The following BAIAP2L1 variants were observed in gnomAD, a reference collection of about 807,000 sequenced individuals.
BAIAP2L1 encodes BAR/IMD domain containing adaptor protein 2 like 1.
BAIAP2L1 carries 35 observed loss-of-function variants against 66.3 expected under a neutral mutation model. The observed-to-expected ratio is 0.53, with a 90% CI of 0.40 to 0.70. The LOEUF is 0.70. Ranked by LOEUF, BAIAP2L1 falls within the 30% of genes least tolerant of loss-of-function variation. BAIAP2L1 has a pLI of 0.00. For missense variants in BAIAP2L1, 622 were observed against 656.9 expected, an observed-to-expected ratio of 0.95 and a Z score of 0.58; for synonymous variants, 269 against 248.7, an observed-to-expected ratio of 1.08 and a Z score of -0.77.
At chr7:98,343,513 C>T (rs1347470596) in intron 3 of BAIAP2L1, among the ~76,000 whole-genome samples, 1 of 152,102 alleles carries the variant, frequency 6.6e-6, no homozygotes, top group African/African-American at 2.4e-5. Context: ...CAAACCCTGA[C>T]TACTGATCTC....
intron 3 of BAIAP2L1, among the ~76,000 whole-genome samples, chr7:98,333,683 T>C (rs1485724783): frequency 6.6e-6 from 1 of 152,210 alleles, no homozygotes; most frequent in East Asian, 1.9e-4. Flanking sequence ...TTCTTGATTA[T>C]TAGACATTTG....
chr7:98,312,100 A>T lies in BAIAP2L1; in HGVS notation c.804T>A (p.Asn268Lys). 6.3e-7 allele frequency: 1 copy of T among 1,595,368 alleles called. No individual in the cohort carries two copies. The highest frequency in any genetic ancestry group is 8.5e-7 in the Non-Finnish European group (1 of 1,173,004). Reference protein sequence around the residue: ...PQASPMIERSNVVRKDYDTLS... With the variant: ...PQASPMIERSKVVRKDYDTLS... Reference sequence around the variant, plus strand: ...GGAAGAGAAAACTGGCTCCTACCACATTGCTTCTCTCGATCATGGGTGAAG... The same window carrying T: ...GGAAGAGAAAACTGGCTCCTACCACTTTGCTTCTCTCGATCATGGGTGAAG... The change falls in exon 8 of 14, where the codon AAT becomes AAA. Residue 268 changes from asparagine to lysine, a missense_variant. Asn to Lys is a moderately conservative substitution (Grantham distance 94). Coordinates refer to ENST00000005260, the MANE Select transcript of BAIAP2L1 (RefSeq NM_018842.5).
chr7:98,370,101 A>AG (rs935646964), intron 1 of BAIAP2L1, among the ~76,000 whole-genome samples: 2 of 151,914 alleles, frequency 1.3e-5, no homozygotes, highest in Non-Finnish European at 2.9e-5. Flanking sequence ...ATTCTACCAG[A>AG]GGGGGAAAAA....
At chr7:98,350,584 G>A (rs1213652043) in intron 3 of BAIAP2L1, among the ~76,000 whole-genome samples, 7 of 152,140 alleles carry the variant, frequency 4.6e-5, no homozygotes, top group East Asian at 1.9e-4. Context: ...GCTTGAAGCC[G>A]GGACACAGAG....
Position 98,304,195 on chromosome 7 carries a change from C to G in BAIAP2L1, c.1422+1G>C. 6.3e-7 allele frequency: 1 copy of G among 1,582,484 alleles called. No individual in the cohort carries two copies. The highest frequency in any genetic ancestry group is 8.6e-7 in the Non-Finnish European group (1 of 1,163,826). On this transcript the variant is annotated splice_donor_variant, in intron 12 of 13. Transcript: ENST00000005260. LOFTEE classifies it high-confidence loss of function. ...GGACGCCCTGCTGCGGCTTTACTCACAGGAGCCGCGGTCTCGGGCTTGGAC... is the reference window on the plus strand; with the variant it reads ...GGACGCCCTGCTGCGGCTTTACTCAGAGGAGCCGCGGTCTCGGGCTTGGAC...
intron 12 of BAIAP2L1, among the ~76,000 whole-genome samples, chr7:98,298,790 C>CT (rs902111641): frequency 5.8e-4 from 88 of 152,248 alleles, no homozygotes; most frequent in African/African-American, 2.0e-3. Flanking sequence ...AATTCCAGGA[C>CT]TGTGTCCCCA....
chr7:98,346,017 G>T (rs1263353151), intron 3 of BAIAP2L1, among the ~76,000 whole-genome samples: 1 of 152,154 alleles, frequency 6.6e-6, no homozygotes, highest in Non-Finnish European at 1.5e-5. Flanking sequence ...ATGGGTGAGG[G>T]TTTCTTTTTG....
intron 1 of BAIAP2L1, among the ~76,000 whole-genome samples, chr7:98,398,832 G>A (rs759680416): frequency 2.4e-4 from 37 of 152,154 alleles, no homozygotes; most frequent in Non-Finnish European, 4.7e-4. Context: ...CCTGACTGCT[G>A]GTCTCAAGTT....
chr7:98,376,331 C>A (rs567315634), intron 1 of BAIAP2L1, among the ~76,000 whole-genome samples: 2 of 151,530 alleles, frequency 1.3e-5, no homozygotes, highest in African/African-American at 4.9e-5. Flanking sequence ...AGTGAGACCC[C>A]GTCTCTACCA....
intron 1 of BAIAP2L1, among the ~76,000 whole-genome samples, chr7:98,365,977 T>A (rs948798246): frequency 6.6e-6 from 1 of 152,168 alleles, no homozygotes; most frequent in Non-Finnish European, 1.5e-5. Context: ...CAGTTTGTAT[T>A]GAGGCGTGCA....
At chr7:98,394,901 C>T (rs778000238) in intron 1 of BAIAP2L1, among the ~76,000 whole-genome samples, 2 of 152,126 alleles carry the variant, frequency 1.3e-5, no homozygotes, top group Non-Finnish European at 2.9e-5. Context: ...CACCTGAGGT[C>T]GGGAGTTCGA....
intron 1 of BAIAP2L1, among the ~76,000 whole-genome samples, chr7:98,366,510 A>G (rs1209607120): frequency 1.3e-5 from 2 of 151,674 alleles, no homozygotes; most frequent in African/African-American, 2.4e-5. Context: ...GTCACTGAGC[A>G]CTCTCTGTCC....
At chr7:98,353,780 C>T (rs1249952176) in intron 3 of BAIAP2L1, among the ~76,000 whole-genome samples, 2 of 148,168 alleles carry the variant, frequency 1.3e-5, no homozygotes, top group African/African-American at 2.5e-5. Flanking sequence ...GCCAACATGG[C>T]GAAACCCCGT....
Position 98,320,141 on chromosome 7 carries a change from A to C in BAIAP2L1, c.277-12T>G, listed in dbSNP as rs1196433162. 2.5e-6 allele frequency: 4 copies of C among 1,607,008 alleles called. No homozygotes were observed. In the Admixed American group the frequency reaches 5.0e-5, roughly 20 times the overall value. ...TGGAATTTTTTAAACTGTTAACAAA[A>C]GGAAATAAATTCATACCAGGTTTGA... On this transcript the variant is annotated splice_polypyrimidine_tract_variant and intron_variant, in intron 4 of 13. Coordinates refer to ENST00000005260, the MANE Select transcript of BAIAP2L1 (RefSeq NM_018842.5).
rs796772847 is a variant in BAIAP2L1 at position 98,363,034 on chromosome 7, T to C, written c.52-602A>G. On this transcript the variant is annotated intron_variant, in intron 1 of 13. Coordinates refer to ENST00000005260, the MANE Select transcript of BAIAP2L1 (RefSeq NM_018842.5). ...ATGTCCCTGGCATTTTTTCTTTTTTTTTTTTTTTTTTTTTTTTTGAGACGG... is the reference window on the plus strand; with the variant it reads ...ATGTCCCTGGCATTTTTTCTTTTTTCTTTTTTTTTTTTTTTTTTGAGACGG... Among the ~76,000 whole-genome samples, 39 of 129,360 alleles carry C rather than the reference T, an allele frequency of 3.0e-4. 2 individuals carry two copies. Among genetic ancestry groups the C allele is most frequent in the African/African-American group, 4.1e-4 (13 of 31,378 alleles). The allele number at this position is 129,360 out of a possible 152,430, so 84.9% of individuals were successfully genotyped here.
intron 5 of BAIAP2L1, among the ~76,000 whole-genome samples, chr7:98,318,975 T>C (rs1346433777): frequency 6.7e-6 from 1 of 150,046 alleles, no homozygotes; most frequent in Non-Finnish European, 1.5e-5. Context: ...ATGGTGTCTA[T>C]GTTTTGGAGT....
At chr7:98,372,037 A>C (rs941893624) in intron 1 of BAIAP2L1, among the ~76,000 whole-genome samples, 5 of 151,720 alleles carry the variant, frequency 3.3e-5, no homozygotes, top group African/African-American at 1.2e-4. Context: ...CTCGTGATCC[A>C]CCTGCCTCCG....
chr7:98,349,699 C>T (rs1381714430), intron 3 of BAIAP2L1, among the ~76,000 whole-genome samples: 2 of 151,712 alleles, frequency 1.3e-5, no homozygotes, highest in Non-Finnish European at 2.9e-5. Context: ...ATGGTGAAAC[C>T]CCATCTCTAC....
intron 1 of BAIAP2L1, among the ~76,000 whole-genome samples, chr7:98,397,125 G>C (rs1803229535): frequency 6.6e-6 from 1 of 152,044 alleles, no homozygotes. Flanking sequence ...GTGTTATGGG[G>C]GAAGGTAATG....
Sources: gnomAD v4.1 joint callset for allele counts (sites outside exome capture counted in the v4.1 genomes callset) on GRCh38, gnomAD v4.1.1 for gene constraint, MANE v1.5 for transcripts, NCBI Gene and HGNC (gene_info 2026-07-23, HGNC 2026-07-21) for gene names.